CD2AP: variants seen among roughly 807,000 people sequenced by gnomAD.
CD2AP encodes the protein CD2 associated protein.
Under a neutral mutation model 85.1 loss-of-function variants are expected in CD2AP, and 46 were observed. The ratio of observed to expected loss-of-function variants is 0.54; its 90% confidence interval spans 0.43 to 0.69. The LOEUF (loss-of-function observed/expected upper bound fraction) is 0.69, where lower values mean the gene tolerates loss of function less well. CD2AP is among the 30% of genes least tolerant of loss of function. CD2AP has a pLI of 0.00. For synonymous variants in CD2AP, 255 were observed against 252.9 expected (o/e 1.01, Z -0.08); for missense variants, 769 against 729.5 (o/e 1.05, Z -0.62).
At chr6:47,531,823 A>C (rs1183485404) in intron 2 of CD2AP, among the ~76,000 whole-genome samples, 1 of 152,096 alleles carries the variant, frequency 6.6e-6, no homozygotes, top group African/African-American at 2.4e-5. Flanking sequence ...TTGTAATCCC[A>C]GCACTTTGGG....
At chr6:47,498,831 A>G (rs1264896719) in intron 1 of CD2AP, among the ~76,000 whole-genome samples, 2 of 152,198 alleles carry the variant, frequency 1.3e-5, no homozygotes, top group African/African-American at 2.4e-5. Flanking sequence ...TGTATAGTAC[A>G]AATCATTTTT....
intron 1 of CD2AP, among the ~76,000 whole-genome samples, chr6:47,500,440 T>C (rs952455903): frequency 6.6e-6 from 1 of 152,150 alleles, no homozygotes. Context: ...TTTCAGACAT[T>C]TGTTAAAATT....
intron 3 of CD2AP, among the ~76,000 whole-genome samples, chr6:47,544,193 T>C (rs535832767): frequency 4.4e-4 from 67 of 152,380 alleles, no homozygotes; most frequent in Non-Finnish European, 9.0e-4. Flanking sequence ...TGCTTCTTTC[T>C]ATAGTCGTAA....
chr6:47,595,854 A>G lies in CD2AP; in HGVS notation c.1109-7A>G, dbSNP rs748448466. 2.5e-6 allele frequency: 4 copies of G among 1,609,120 alleles called. No individual in the cohort carries two copies. The highest frequency in any genetic ancestry group is 1.6e-4 in the Middle Eastern group (1 of 6,064). On this transcript the variant is annotated splice_polypyrimidine_tract_variant and splice_region_variant and intron_variant, in intron 11 of 17. Coordinates refer to ENST00000359314, the MANE Select transcript of CD2AP (RefSeq NM_012120.3). Reference sequence around the variant, plus strand: ...GTTAATAACTTGTGAAATATTTTAAATCTTAGATGAAAAATCAACACTGGA... The same window carrying G: ...GTTAATAACTTGTGAAATATTTTAAGTCTTAGATGAAAAATCAACACTGGA...
intron 2 of CD2AP, among the ~76,000 whole-genome samples, chr6:47,529,188 C>A (rs1289002287): frequency 4.1e-5 from 1 of 24,534 alleles, no homozygotes; most frequent in South Asian, 2.4e-3. Flanking sequence ...GTACTGCCCC[C>A]CCCCCCCCCC....
intron 2 of CD2AP, among the ~76,000 whole-genome samples, chr6:47,526,473 G>T (rs561753048): frequency 2.6e-5 from 4 of 152,058 alleles, no homozygotes; most frequent in Non-Finnish European, 5.9e-5. Context: ...TTTTTAAGTT[G>T]CTTTCCCCCT....
At chr6:47,523,601 C>T (rs1055127638) in intron 2 of CD2AP, among the ~76,000 whole-genome samples, 1 of 152,074 alleles carries the variant, frequency 6.6e-6, no homozygotes, top group African/African-American at 2.4e-5. Context: ...AAAGCATTAA[C>T]TATTTTACAC....
chr6:47,610,949 TTA>T (rs10580325), intron 16 of CD2AP, among the ~76,000 whole-genome samples: 35,989 of 114,158 alleles, frequency 0.32, 5,989 homozygotes, highest in East Asian at 0.64. Context: ...TATTTCTGAT[TTA>T]TATATATATA....
chr6:47,544,564 G>T, intron 3 of CD2AP, 42 bp from the exon 4 acceptor site: 2 of 1,257,964 alleles, frequency 1.6e-6, no homozygotes, highest in South Asian at 2.4e-5. Context: ...TTTTAAAAAT[G>T]ATCATTCTTA....
intron 1 of CD2AP, among the ~76,000 whole-genome samples, chr6:47,487,939 T>G (rs1052120680): frequency 7.2e-5 from 11 of 152,074 alleles, no homozygotes; most frequent in Non-Finnish European, 1.2e-4. Flanking sequence ...AATACAAAAT[T>G]TAAATATATT....
chr6:47,536,776 C>T (rs954185787), intron 3 of CD2AP, among the ~76,000 whole-genome samples: 7 of 152,138 alleles, frequency 4.6e-5, no homozygotes, highest in African/African-American at 1.7e-4. Context: ...AAAGCAAAAA[C>T]AGGTTGCAAG....
chr6:47,615,549 G>A (rs1288424696), intron 17 of CD2AP, among the ~76,000 whole-genome samples: 2 of 151,926 alleles, frequency 1.3e-5, no homozygotes, highest in African/African-American at 4.8e-5. Flanking sequence ...GAGAGAGTGG[G>A]AGGGGCCACG....
chr6:47,587,977 A>G (rs1228246752), intron 11 of CD2AP, among the ~76,000 whole-genome samples: 2 of 152,138 alleles, frequency 1.3e-5, no homozygotes, highest in Non-Finnish European at 2.9e-5. Flanking sequence ...CACCATTTGT[A>G]TACTTCTGAT....
chr6:47,508,546 GTT>G (rs59914741), intron 2 of CD2AP, among the ~76,000 whole-genome samples: 1,627 of 91,396 alleles, frequency 0.018, 20 homozygotes, highest in African/African-American at 0.057. Context: ...TTTTTTTTTT[GTT>G]TTTTTTTTTT....
At chr6:47,616,016 C>T (rs1314507254) in intron 17 of CD2AP, among the ~76,000 whole-genome samples, 5 of 148,984 alleles carry the variant, frequency 3.4e-5, no homozygotes, top group Non-Finnish European at 7.4e-5. Context: ...AACTCCTGAC[C>T]TTGTGATTCG....
chr6:47,517,796 T>C (rs1023691676), intron 2 of CD2AP, among the ~76,000 whole-genome samples: 1 of 152,208 alleles, frequency 6.6e-6, no homozygotes, highest in Non-Finnish European at 1.5e-5. Context: ...AGTTATTTAG[T>C]ATTTATGAGA....
intron 11 of CD2AP, among the ~76,000 whole-genome samples, chr6:47,585,875 G>A (rs1412869952): frequency 4.6e-5 from 7 of 152,206 alleles, no homozygotes; most frequent in African/African-American, 1.7e-4. Context: ...TCATAAAACA[G>A]TGTATCACCT....
chr6:47,506,994 G>A (rs12216417), intron 2 of CD2AP, among the ~76,000 whole-genome samples: 47,530 of 152,106 alleles, frequency 0.31, 8,562 homozygotes, highest in Middle Eastern at 0.51. Flanking sequence ...GTAGTCAGTC[G>A]TTTCAAACCC....
At chr6:47,564,704 TTATA>T (rs1408737285) in intron 5 of CD2AP, among the ~76,000 whole-genome samples, 3 of 152,060 alleles carry the variant, frequency 2.0e-5, no homozygotes, top group African/African-American at 7.2e-5. Context: ...GAAGTGAGCA[TTATA>T]TAAGGAGTAA....
Sources: gnomAD v4.1 joint callset for allele counts (sites outside exome capture counted in the v4.1 genomes callset) on GRCh38, gnomAD v4.1.1 for gene constraint, MANE v1.5 for transcripts, NCBI Gene and HGNC (gene_info 2026-07-23, HGNC 2026-07-21) for gene names.